The following COG8 variants were observed in gnomAD, a reference collection of about 807,000 sequenced individuals.
The protein encoded by COG8 is conserved oligomeric Golgi complex subunit 8.
COG8 carries 45 observed loss-of-function variants against 46.5 expected under a neutral mutation model. That is an observed-to-expected ratio of 0.97 (90% CI 0.76 to 1.24). The LOEUF is 1.24. COG8 is among the 50% of genes most tolerant of loss of function. COG8 has a pLI of 0.00. For missense variants in COG8, 793 were observed against 820.8 expected, an observed-to-expected ratio of 0.97 and a Z score of 0.41; for synonymous variants, 407 against 347.8, an observed-to-expected ratio of 1.17 and a Z score of -1.90.
In COG8 at chr16:69,339,536, G is replaced by C. The variant is rs2012431673; in HGVS notation, c.17C>G (p.Thr6Ser). 6.2e-7 allele frequency: 1 copy of C among 1,608,688 alleles called. No homozygotes were observed. The highest frequency in any genetic ancestry group is 8.5e-7 in the Non-Finnish European group (1 of 1,179,946). ...TGTGGCCGTGGCTACCGATGGGATA[G>C]TCGCCGCGGTCGCCATCTTCCCAGC... MATAA[T>S]IPSVATATAA... The change falls in exon 1 of 6, where the codon ACT (threonine) becomes AGT (serine). Residue 6 changes from threonine to serine, a missense_variant. Coordinates refer to ENST00000306875, the MANE Select transcript of COG8 (RefSeq NM_032382.5).
In COG8 at chr16:69,339,269, T is replaced by C; in HGVS notation, c.284A>G (p.Glu95Gly). Residue 95 changes from glutamate (E) to glycine (G), a missense_variant, in exon 1 of 6, where the codon GAG becomes GGG. Transcript: ENST00000306875. ...CAGGCGGTGGATGCGCTCGGTGCAC[T>C]CGGCGCCGCGGATGAAGGTCTTGTA... ...ANYKTFIRGA[E>G]CTERIHRLFG... The C allele has an allele frequency of 1.2e-6, 2 of 1,612,530 alleles. No homozygotes were observed. The highest frequency in any genetic ancestry group is 1.7e-6 in the Non-Finnish European group (2 of 1,179,752).
At chr16:69,330,499 G>A (rs1026522924) in intron 5 of COG8, 12 of 1,472,424 alleles carry the variant, frequency 8.1e-6, no homozygotes, top group Middle Eastern at 2.4e-4. Context: ...GGACACCGAC[G>A]GCTGCCGCCC....
intron 5 of COG8, 130 bp downstream of exon 5, chr16:69,330,683 T>G (rs561105224): frequency 2.2e-6 from 3 of 1,394,422 alleles, no homozygotes; most frequent in African/African-American, 1.5e-5. Context: ...CCCGCCTTCC[T>G]GCTTAGACTG....
rs771555717 is a variant in COG8 at position 69,339,277 on chromosome 16, G to A, written c.276C>T (p.Arg92=). ...GGATGCGCTCGGTGCACTCGGCGCC[G>A]CGGATGAAGGTCTTGTAGTTAGCGA... The part of the protein sequence containing the change: ...LAFANYKTFI[R]GAECTERIHR... The change falls in exon 1 of 6, where the codon CGC becomes CGT. Residue 92 remains arginine (R), a synonymous_variant. Transcript: ENST00000306875. The A allele has an allele frequency of 6.2e-7, 1 of 1,612,488 alleles. No homozygotes were observed. The highest frequency in any genetic ancestry group is 8.5e-7 in the Non-Finnish European group (1 of 1,179,744).
At chr16:69,330,767 C>G (rs933901463) in intron 5 of COG8, 46 bp downstream of exon 5, 27 of 1,465,572 alleles carry the variant, frequency 1.8e-5, no homozygotes, top group Non-Finnish European at 2.3e-5. Context: ...CCGGACCTTC[C>G]AGGGCGAGGC....
chr16:69,334,886 T>G lies in COG8; in HGVS notation c.1048A>C (p.Met350Leu), dbSNP rs1017545207. Residue 350 changes from methionine to leucine, a missense_variant, in exon 3 of 6, where the codon ATG becomes CTG. Transcript: ENST00000306875. ...GHLDSLLGQC[M>L]YFGLSFSRVG... ...CGGCTGAAGGACAGCCCAAAGTACA[T>G]GCACTGGCCCAGCAGAGAGTCCAGG... 6.2e-7 allele frequency: 1 copy of G among 1,614,110 alleles called. No individual in the cohort carries two copies. Among genetic ancestry groups the G allele is most frequent in the Admixed American group, 1.7e-5 (1 of 60,014 alleles).
chr16:69,329,194 A>T lies in COG8; in HGVS notation c.*27-15T>A, dbSNP rs1965699874. On this transcript the variant is annotated splice_polypyrimidine_tract_variant and intron_variant, in intron 5 of 5. Transcript: ENST00000306875. ...GGGGTCCAGCCCTGCAAAGGAAGTT[A>T]CAGCCCTGGTGAGTGGGAACAGCTG... The T allele has an allele frequency of 6.3e-7, 1 of 1,582,226 alleles. No homozygotes were observed. Among genetic ancestry groups the T allele is most frequent in the Admixed American group, 1.8e-5 (1 of 55,236 alleles).
At chr16:69,334,090 T>C (rs2012049559) in intron 3 of COG8, among the ~76,000 whole-genome samples, 1 of 152,122 alleles carries the variant, frequency 6.6e-6, no homozygotes, top group African/African-American at 2.4e-5. Context: ...CCCTGCCAAC[T>C]TGCATGAGTC....
chr16:69,330,773 G>A, intron 5 of COG8, 40 bp downstream of exon 5: 1 of 1,474,390 alleles, frequency 6.8e-7, no homozygotes, highest in Non-Finnish European at 8.9e-7. Flanking sequence ...CTTCCAGGGC[G>A]AGGCAGTCCT....
chr16:69,326,715 C>G lies in COG8; in HGVS notation c.*2491G>C, dbSNP rs1965603230. The G allele has an allele frequency of 6.6e-6, 1 of 152,240 alleles. No individual in the cohort carries two copies. The highest frequency in any genetic ancestry group is 1.5e-5 in the Non-Finnish European group (1 of 68,046). 9.4% of individuals were successfully genotyped at this position (152,240 alleles called of 1,614,324 possible). ...CCATCATCGATGTTAAACATGCTGA[C>G]ATGTGCAGAGGAGTTTCCTCCCTGA... On this transcript the variant is annotated 3_prime_UTR_variant, in exon 6 of 6. Coordinates refer to ENST00000306875, the MANE Select transcript of COG8 (RefSeq NM_032382.5).
intron 4 of COG8, among the ~76,000 whole-genome samples, chr16:69,331,826 A>G (rs988608328): frequency 1.9e-4 from 29 of 152,174 alleles, no homozygotes; most frequent in Admixed American, 1.9e-3. Flanking sequence ...TTAATACAGC[A>G]AAAACCACCT....
intron 3 of COG8, among the ~76,000 whole-genome samples, chr16:69,334,144 A>G (rs2012051744): frequency 6.6e-6 from 1 of 152,184 alleles, no homozygotes; most frequent in African/African-American, 2.4e-5. Context: ...AGTCCAGCCA[A>G]CACCTTGATG....
chr16:69,330,261 G>A (rs990266329), intron 5 of COG8: 24 of 1,438,274 alleles, frequency 1.7e-5, no homozygotes, highest in Admixed American at 3.0e-5. Context: ...CGCCGCCGCC[G>A]CATCACCTGG....
At chr16:69,337,612 A>G (rs2012277263) in intron 1 of COG8, among the ~76,000 whole-genome samples, 1 of 152,222 alleles carries the variant, frequency 6.6e-6, no homozygotes, top group Non-Finnish European at 1.5e-5. Context: ...ATTCTGGAGC[A>G]TGGAAGGGTA....
At chr16:69,329,957 C>A (rs556651617) in intron 5 of COG8, 4 of 1,493,890 alleles carry the variant, frequency 2.7e-6, no homozygotes, top group South Asian at 1.3e-5. Flanking sequence ...AGAAGAGACG[C>A]GCGCGCTGCT....
intron 5 of COG8, 166 bp downstream of exon 5, chr16:69,330,647 G>C (rs1339313181): frequency 9.9e-6 from 14 of 1,409,268 alleles, no homozygotes; most frequent in Non-Finnish European, 1.1e-5. Context: ...CCGTCGGCCA[G>C]CACACAGCGA....
At position 69,332,713 on chromosome 16, in the gene COG8, C is replaced by T. The variant is rs147051782; in HGVS notation, c.1582+1G>A. On this transcript the variant is annotated splice_donor_variant, in intron 4 of 5. Transcript: ENST00000306875. LOFTEE classifies it high-confidence loss of function. ...AGTTTACAGAATTTTCATTCTCTTACCTAAAGTCTGTGCTATCTGAGCTGG... is the reference window on the plus strand; with the variant it reads ...AGTTTACAGAATTTTCATTCTCTTATCTAAAGTCTGTGCTATCTGAGCTGG... The T allele has an allele frequency of 9.5e-5, 154 of 1,613,224 alleles. No homozygotes were observed. The highest frequency in any genetic ancestry group is 1.2e-4 in the Non-Finnish European group (145 of 1,179,298).
chr16:69,334,649 G>A lies in COG8; in HGVS notation c.1285C>T (p.Leu429Phe). The change falls in exon 3 of 6, where the codon CTC becomes TTC. Residue 429 changes from leucine (L) to phenylalanine (F), a missense_variant. Coordinates refer to ENST00000306875, the MANE Select transcript of COG8 (RefSeq NM_032382.5). ...QPGTLQPPMV[L>F]LDFPPLACFL... ...CAGGCGAGGGGTGGGAAATCTAGGAGCACCATGGGTGGCTGCAGCGTCCCC... is the reference window on the plus strand; with the variant it reads ...CAGGCGAGGGGTGGGAAATCTAGGAACACCATGGGTGGCTGCAGCGTCCCC... 1.9e-6 allele frequency: 3 copies of A among 1,614,200 alleles called. No homozygotes were observed. The highest frequency in any genetic ancestry group is 1.3e-5 in the African/African-American group (1 of 75,072).
rs114794947 is a variant in COG8 at position 69,329,271 on chromosome 16, C to T, written c.*27-92G>A. On this transcript the variant is annotated intron_variant, in intron 5 of 5. Coordinates refer to ENST00000306875, the MANE Select transcript of COG8 (RefSeq NM_032382.5). Reference sequence around the variant, plus strand: ...CCCTGCCCCCGGTCCTGGCTGTTCCCATTGACAAGAGGCAACAGCAGATGG... The same window carrying T: ...CCCTGCCCCCGGTCCTGGCTGTTCCTATTGACAAGAGGCAACAGCAGATGG... 9,115 of 1,361,010 alleles carry T rather than the reference C, an allele frequency of 6.7e-3. 53 individuals carry two copies. The highest frequency in any genetic ancestry group is 0.053 in the Middle Eastern group (199 of 3,786). The allele number at this position is 1,361,010 out of a possible 1,614,324, so 84.3% of individuals were successfully genotyped here. A position where few individuals can be genotyped will look rare whatever the true frequency, so the allele number is the denominator to read the frequency against.
Sources: gnomAD v4.1 joint callset for allele counts (sites outside exome capture counted in the v4.1 genomes callset) on GRCh38, gnomAD v4.1.1 for gene constraint, MANE v1.5 for transcripts, NCBI Gene and HGNC (gene_info 2026-07-23, HGNC 2026-07-21) for gene names.